Variants in CFAP58 observed in about 807,000 individuals in gnomAD.
CFAP58 encodes cilia and flagella associated protein 58.
A neutral mutation model predicts 119.5 loss-of-function variants in CFAP58; 88 were observed. That is an observed-to-expected ratio of 0.74 (90% CI 0.62 to 0.88). The LOEUF (loss-of-function observed/expected upper bound fraction) is 0.88. Ranked by LOEUF, CFAP58 falls within the 40% of genes least tolerant of loss-of-function variation. The probability of loss-of-function intolerance (pLI) is 0.00; values close to 1 mark genes in which losing one functional copy is unlikely to be tolerated. For missense variants in CFAP58, 990 were observed against 1,021.2 expected (o/e 0.97, Z 0.42); for synonymous variants, 365 against 366.3 (o/e 1.00, Z 0.04).
chr10:104,394,318 G>A (rs144759435), intron 11 of CFAP58, among the ~76,000 whole-genome samples: 14 of 152,122 alleles, frequency 9.2e-5, no homozygotes, highest in African/African-American at 3.4e-4. Context: ...TGCCACTTTT[G>A]TTATGAAAAT....
rs140402703 is a variant in CFAP58, at chr10:104,365,816, C to G, written c.600C>G (p.Phe200Leu). The change falls in exon 5 of 18, where the codon TTC becomes TTG. Residue 200 changes from phenylalanine (F) to leucine (L), a missense_variant and splice_region_variant. Coordinates refer to ENST00000369704, the MANE Select transcript of CFAP58 (RefSeq NM_001008723.2). Reference sequence around the variant, plus strand: ...CTTGTCCTTTCCGCAACCTCTAGTTCCAACAAGAAATCCAGCAACGTCAGA... The same window carrying G: ...CTTGTCCTTTCCGCAACCTCTAGTTGCAACAAGAAATCCAGCAACGTCAGA... The part of the protein sequence containing the change: ...KEEAEHAISQ[F>L]QQEIQQRQNE... 9.3e-6 allele frequency: 15 copies of G among 1,608,308 alleles called. No individual in the cohort carries two copies. The highest frequency in any genetic ancestry group is 1.0e-5 in the Non-Finnish European group (12 of 1,177,968).
chr10:104,445,424 A>T (rs747711554), intron 15 of CFAP58, among the ~76,000 whole-genome samples: 8 of 152,176 alleles, frequency 5.3e-5, no homozygotes, highest in Non-Finnish European at 8.8e-5. Context: ...ATAAATGACA[A>T]CATCATTCAC....
At position 104,420,593 on chromosome 10, in the gene CFAP58, C is replaced by T. The variant is rs2012639519; in HGVS notation, c.2256+13800C>T. On this transcript the variant is annotated intron_variant, in intron 15 of 17. Transcript: ENST00000369704. ...CTGTATATCAAACTTCTATGACATA[C>T]AATTTACCTATATAACAAATGTGCT... 2.6e-5 allele frequency among the ~76,000 whole-genome samples: 4 copies of T among 152,100 alleles called. 1 individual carries two copies. In the South Asian group the frequency reaches 8.3e-4, roughly 32 times the overall value.
rs769185546 is a variant in CFAP58 at position 104,406,677 on chromosome 10, C to T, written c.2152-12C>T. The T allele has an allele frequency of 1.2e-6, 2 of 1,609,386 alleles. No individual in the cohort carries two copies. The highest frequency in any genetic ancestry group is 2.7e-5 in the African/African-American group (2 of 74,788). ...TGATATCTCAGCTGCTATTGTTGTTCCCCTTGGACAGGCCAGCGACCCCAA... is the reference window on the plus strand; with the variant it reads ...TGATATCTCAGCTGCTATTGTTGTTTCCCTTGGACAGGCCAGCGACCCCAA... On this transcript the variant is annotated splice_polypyrimidine_tract_variant and intron_variant, in intron 14 of 17. Transcript: ENST00000369704.
At chr10:104,364,427 AAC>A (rs66757511) in intron 3 of CFAP58, among the ~76,000 whole-genome samples, 69,193 of 141,986 alleles carry the variant, frequency 0.49, 16,856 homozygotes, top group Non-Finnish European at 0.55. Flanking sequence ...ATGTCTGTAA[AAC>A]ACACACACAC....
Position 104,365,982 on chromosome 10 carries a change from C to T in CFAP58, c.766C>T (p.Leu256=). 7 of 1,604,626 alleles carry T rather than the reference C, an allele frequency of 4.4e-6. No individual in the cohort carries two copies. Among genetic ancestry groups the T allele is most frequent in the Non-Finnish European group, 6.0e-6 (7 of 1,176,050 alleles). The change falls in exon 5 of 18, where the codon CTG becomes TTG. Residue 256 remains leucine, a synonymous_variant. Coordinates refer to ENST00000369704, the MANE Select transcript of CFAP58 (RefSeq NM_001008723.2). ...VQKSKEELQK[L]EQQLKEQKIL... is the part of the protein sequence containing the mutation. ...GAAGAGCAAGGAGGAGCTTCAGAAG[C>T]TGGAGCAGCAGCTGAAGGAGCAGAA...
At chr10:104,348,841 A>G (rs1042631957), upstream of CFAP58, among the ~76,000 whole-genome samples, 1 of 152,182 alleles carries the variant, frequency 6.6e-6, no homozygotes, top group African/African-American at 2.4e-5. Context: ...TTACTTTAGA[A>G]CTCATTCAGT....
chr10:104,450,505 T>C (rs1385686063), intron 17 of CFAP58, among the ~76,000 whole-genome samples: 1 of 152,150 alleles, frequency 6.6e-6, no homozygotes, highest in Non-Finnish European at 1.5e-5. Context: ...GGTTTGGAGA[T>C]AATAATGTCA....
At chr10:104,422,350 G>A (rs1351832536) in intron 15 of CFAP58, among the ~76,000 whole-genome samples, 6 of 152,166 alleles carry the variant, frequency 3.9e-5, no homozygotes, top group Admixed American at 6.5e-5. Context: ...CTTCCATGGT[G>A]TCTGACCCTT....
intron 15 of CFAP58, among the ~76,000 whole-genome samples, chr10:104,411,233 T>C (rs2012455510): frequency 6.6e-6 from 1 of 152,208 alleles, no homozygotes; most frequent in Non-Finnish European, 1.5e-5. Context: ...GTTCACCAGT[T>C]CTTTCAGTGT....
Position 104,424,252 on chromosome 10 carries a change from C to T in CFAP58, c.2256+17459C>T, listed in dbSNP as rs118152385. Reference sequence around the variant, plus strand: ...CTTGACACACAGTCTTCTCTGGAGCCGGTGCCAAATCTGTAGCATATTAAG... The same window carrying T: ...CTTGACACACAGTCTTCTCTGGAGCTGGTGCCAAATCTGTAGCATATTAAG... On this transcript the variant is annotated intron_variant, in intron 15 of 17. Coordinates refer to ENST00000369704, the MANE Select transcript of CFAP58 (RefSeq NM_001008723.2). 9.2e-4 allele frequency among the ~76,000 whole-genome samples: 140 copies of T among 152,260 alleles called. 1 individual carries two copies. In the East Asian group the frequency reaches 0.025, roughly 27 times the overall value.
chr10:104,433,650 G>A (rs1284201490), intron 15 of CFAP58, among the ~76,000 whole-genome samples: 2 of 152,120 alleles, frequency 1.3e-5, no homozygotes, highest in East Asian at 3.9e-4. Context: ...ATGATGTCAT[G>A]ATCCAGCTAT....
At chr10:104,398,408 T>C (rs1014115269) in intron 11 of CFAP58, among the ~76,000 whole-genome samples, 1 of 152,250 alleles carries the variant, frequency 6.6e-6, no homozygotes, top group African/African-American at 2.4e-5. Flanking sequence ...CTTTTGTCTC[T>C]GTAATTGCAT....
intron 15 of CFAP58, among the ~76,000 whole-genome samples, chr10:104,431,607 A>G (rs1438349563): frequency 6.6e-6 from 1 of 152,156 alleles, no homozygotes; most frequent in African/African-American, 2.4e-5. Flanking sequence ...GTTTTGTCAC[A>G]TTTGTTTCAG....
intron 15 of CFAP58, among the ~76,000 whole-genome samples, chr10:104,426,062 T>C (rs928637815): frequency 2.6e-5 from 4 of 152,032 alleles, no homozygotes; most frequent in Non-Finnish European, 5.9e-5. Context: ...CAAAAACCTG[T>C]TTCTATAAAA....
intron 17 of CFAP58, among the ~76,000 whole-genome samples, chr10:104,452,260 TAATA>T (rs2013209096): frequency 6.6e-6 from 1 of 151,884 alleles, no homozygotes; most frequent in Admixed American, 6.6e-5. Context: ...TAGTAAGAAA[TAATA>T]AATTAATAGA....
chr10:104,358,253 T>G (rs1472120205), intron 1 of CFAP58, 88 bp from the exon 2 acceptor site: 1 of 1,367,910 alleles, frequency 7.3e-7, no homozygotes, highest in Non-Finnish European at 9.8e-7. Context: ...TATGGAGGTG[T>G]TTCATTCAGA....
intron 15 of CFAP58, among the ~76,000 whole-genome samples, chr10:104,433,930 C>A (rs1047069570): frequency 6.6e-6 from 1 of 152,152 alleles, no homozygotes; most frequent in African/African-American, 2.4e-5. Flanking sequence ...TCTCCAGAAC[C>A]CTCACTCCCT....
the CFAP58 span, among the ~76,000 whole-genome samples, chr10:104,346,313 T>A: frequency 6.6e-6 from 1 of 152,018 alleles, no homozygotes; most frequent in East Asian, 1.9e-4. Flanking sequence ...TTTGGAGGGG[T>A]CAAAGCATCC....
Sources: allele counts gnomAD v4.1 joint callset (sites outside exome capture counted in the v4.1 genomes callset), GRCh38; gene constraint gnomAD v4.1.1; transcripts MANE v1.5; gene names NCBI Gene and HGNC (gene_info 2026-07-23, HGNC 2026-07-21).